YAP1: variants seen among roughly 807,000 people sequenced by gnomAD.
The protein encoded by YAP1 is Yes1 associated transcriptional regulator.
Under a neutral mutation model 56.9 loss-of-function variants are expected in YAP1, and 5 were observed. The observed-to-expected ratio is 0.09, with a 90% CI of 0.05 to 0.18. The LOEUF is 0.18. Ranked by LOEUF, YAP1 falls within the 10% of genes least tolerant of loss-of-function variation. The probability of loss-of-function intolerance (pLI) is 1.00; values close to 1 mark genes in which losing one functional copy is unlikely to be tolerated. For synonymous variants in YAP1, 265 were observed against 248.1 expected (o/e 1.07, Z -0.64); for missense variants, 539 against 651.8 (o/e 0.83, Z 1.88).
At chr11:102,164,449 T>C (rs1482894061) in intron 3 of YAP1, among the ~76,000 whole-genome samples, 1 of 152,204 alleles carries the variant, frequency 6.6e-6, no homozygotes, top group African/African-American at 2.4e-5. Flanking sequence ...TGCCCTGTAT[T>C]TATGGTTAAA....
intron 8 of YAP1, among the ~76,000 whole-genome samples, chr11:102,229,044 G>T (rs1357810115): frequency 6.6e-6 from 1 of 152,128 alleles, no homozygotes; most frequent in Non-Finnish European, 1.5e-5. Context: ...GACCCCTGTA[G>T]CACTTAATGG....
intron 3 of YAP1, among the ~76,000 whole-genome samples, chr11:102,170,540 T>C (rs922122189): frequency 6.6e-6 from 1 of 152,198 alleles, no homozygotes; most frequent in Non-Finnish European, 1.5e-5. Context: ...GGGAAACATA[T>C]AGAAACTCAA....
chr11:102,193,779 G>A (rs1469375287), intron 4 of YAP1, among the ~76,000 whole-genome samples: 1 of 151,836 alleles, frequency 6.6e-6, no homozygotes, highest in East Asian at 1.9e-4. Flanking sequence ...TACTAAAGCC[G>A]CTATCAAACA....
chr11:102,216,838 A>T (rs1416710172), intron 6 of YAP1, among the ~76,000 whole-genome samples: 1 of 152,246 alleles, frequency 6.6e-6, no homozygotes, highest in Non-Finnish European at 1.5e-5. Context: ...CAGGAAATTT[A>T]GCCAAAACAT....
At chr11:102,161,053 CTTTTTTT>C (rs67023819) in intron 2 of YAP1, among the ~76,000 whole-genome samples, 63 of 75,506 alleles carry the variant, frequency 8.3e-4, no homozygotes, top group South Asian at 3.2e-3. Context: ...TAATTTCTTT[CTTTTTTT>C]TTTTTTTTTT....
chr11:102,188,841 C>T (rs923343814), intron 4 of YAP1, among the ~76,000 whole-genome samples: 1 of 152,196 alleles, frequency 6.6e-6, no homozygotes, highest in Non-Finnish European at 1.5e-5. Context: ...CAATCCTTCA[C>T]ATCTCACATG....
chr11:102,153,866 AT>A (rs1389522590), intron 2 of YAP1, among the ~76,000 whole-genome samples: 3 of 151,892 alleles, frequency 2.0e-5, no homozygotes, highest in Admixed American at 1.3e-4. Context: ...AAAAAAAAAA[AT>A]CTGTAAGACC....
chr11:102,186,445 T>C (rs1947952003), intron 4 of YAP1: 1 of 308,176 alleles, frequency 3.2e-6, no homozygotes. Context: ...TTTTTTTTTT[T>C]AGCTGCAATA....
Position 102,110,812 on chromosome 11 carries a change from C to G in YAP1, c.-37C>G. 3 of 1,326,244 alleles carry G rather than the reference C, an allele frequency of 2.3e-6. No homozygotes were observed. Among genetic ancestry groups the G allele is most frequent in the Non-Finnish European group, 2.9e-6 (3 of 1,043,524 alleles). The allele number at this position is 1,326,244 out of a possible 1,614,324, so 82.2% of individuals were successfully genotyped here. A position where few individuals can be genotyped will look rare whatever the true frequency, so the allele number is the denominator to read the frequency against. ...GCGTCCGGGCGTAGCCCTCGCTCGCCTGGGTCAGGGGGTGCGCGTCGGGGG... is the reference window on the plus strand; with the variant it reads ...GCGTCCGGGCGTAGCCCTCGCTCGCGTGGGTCAGGGGGTGCGCGTCGGGGG... On this transcript the variant is annotated 5_prime_UTR_variant, in exon 1 of 9. Coordinates refer to ENST00000282441, the MANE Select transcript of YAP1 (RefSeq NM_001130145.3).
At chr11:102,138,532 A>G (rs866298722) in intron 2 of YAP1, among the ~76,000 whole-genome samples, 3 of 152,162 alleles carry the variant, frequency 2.0e-5, no homozygotes, top group East Asian at 3.9e-4. Flanking sequence ...GCCATTGTAC[A>G]ATTTCACTTC....
At chr11:102,158,556 T>A (rs1341674644) in intron 2 of YAP1, among the ~76,000 whole-genome samples, 1 of 152,228 alleles carries the variant, frequency 6.6e-6, no homozygotes, top group Non-Finnish European at 1.5e-5. Context: ...TCAGTGCTGC[T>A]GGCCCAAGGC....
At chr11:102,117,093 T>TA (rs1943332329) in intron 2 of YAP1, among the ~76,000 whole-genome samples, 1 of 152,338 alleles carries the variant, frequency 6.6e-6, no homozygotes, top group Non-Finnish European at 1.5e-5. Flanking sequence ...CTTCTTTTTG[T>TA]GTACTGAACA....
chr11:102,115,305 TAATA>T (rs1347453603), intron 2 of YAP1, among the ~76,000 whole-genome samples: 2 of 152,224 alleles, frequency 1.3e-5, no homozygotes, highest in Admixed American at 6.5e-5. Flanking sequence ...CAGGTTGAGA[TAATA>T]AAGTGAAAAA....
intron 2 of YAP1, among the ~76,000 whole-genome samples, chr11:102,121,544 T>C (rs1040598639): frequency 1.3e-5 from 2 of 152,164 alleles, no homozygotes; most frequent in African/African-American, 4.8e-5. Context: ...CAGTCTGGAA[T>C]GTGAATCCTC....
At chr11:102,164,242 C>T (rs1946465552) in intron 3 of YAP1, among the ~76,000 whole-genome samples, 1 of 152,048 alleles carries the variant, frequency 6.6e-6, no homozygotes, top group Non-Finnish European at 1.5e-5. Context: ...ACTATGTTGG[C>T]CAGGCTGGTC....
chr11:102,209,214 T>C (rs932175608), intron 5 of YAP1, among the ~76,000 whole-genome samples: 1 of 152,246 alleles, frequency 6.6e-6, no homozygotes, highest in Non-Finnish European at 1.5e-5. Context: ...ATCAAATATA[T>C]TGTATCTGCT....
Position 102,233,364 on chromosome 11 carries a change from C to T in YAP1, c.*3424C>T, listed in dbSNP as rs1227141972. The T allele has an allele frequency of 6.6e-6, 1 of 151,810 alleles. No individual in the cohort carries two copies. Among genetic ancestry groups the T allele is most frequent in the Non-Finnish European group, 1.5e-5 (1 of 67,946 alleles). 9.4% of individuals were successfully genotyped at this position (151,810 alleles called of 1,614,324 possible). A position where few individuals can be genotyped will look rare whatever the true frequency, so the allele number is the denominator to read the frequency against. ...TACATAAATTGTTACATTATTTTTT[C>T]TTATGTAATACCTTTTTGTTTGTTT... On this transcript the variant is annotated 3_prime_UTR_variant, in exon 9 of 9. Transcript: ENST00000282441.
At chr11:102,182,685 G>C (rs182713697) in intron 3 of YAP1, among the ~76,000 whole-genome samples, 1 of 152,186 alleles carries the variant, frequency 6.6e-6, no homozygotes, top group Non-Finnish European at 1.5e-5. Flanking sequence ...TTAATTCTAT[G>C]ACAAAGATAG....
chr11:102,138,698 T>A (rs1944828776), intron 2 of YAP1, among the ~76,000 whole-genome samples: 1 of 152,250 alleles, frequency 6.6e-6, no homozygotes, highest in South Asian at 2.1e-4. Flanking sequence ...GTGTTCATTG[T>A]TATTACTGAT....
Sources: gnomAD v4.1 joint callset for allele counts (sites outside exome capture counted in the v4.1 genomes callset) on GRCh38, gnomAD v4.1.1 for gene constraint, MANE v1.5 for transcripts, NCBI Gene and HGNC (gene_info 2026-07-23, HGNC 2026-07-21) for gene names.